The following CHRNA7 variants were observed in gnomAD, a reference collection of about 807,000 sequenced individuals.
CHRNA7 encodes cholinergic receptor nicotinic alpha 7 subunit.
A neutral mutation model predicts 48.0 loss-of-function variants in CHRNA7; 17 were observed. The ratio of observed to expected loss-of-function variants is 0.35; its 90% CI spans 0.24 to 0.53. The LOEUF is 0.53. Among genes scored for constraint, CHRNA7 ranks in the 20% least tolerant of loss-of-function variants. The pLI, the probability that CHRNA7 is intolerant of heterozygous loss-of-function variation, is 0.92. For synonymous variants in CHRNA7, 75 were observed against 242.3 expected (o/e 0.31, Z 6.41); for missense variants, 155 against 577.7 (o/e 0.27, Z 7.50).
At chr15:32,039,048 A>G (rs920706961) in intron 2 of CHRNA7, among the ~76,000 whole-genome samples, 3 of 152,188 alleles carry the variant, frequency 2.0e-5, no homozygotes, top group African/African-American at 7.2e-5. Context: ...ATTTGTGAGC[A>G]TAGAATTGTT....
At chr15:32,053,316 A>G (rs1414184978) in intron 2 of CHRNA7, among the ~76,000 whole-genome samples, 1 of 152,212 alleles carries the variant, frequency 6.6e-6, no homozygotes, top group African/African-American at 2.4e-5. Flanking sequence ...TAGTCTTGTC[A>G]TGGAGGAAGG....
intron 2 of CHRNA7, among the ~76,000 whole-genome samples, chr15:32,056,042 T>C (rs1339101360): frequency 6.6e-6 from 1 of 152,178 alleles, no homozygotes; most frequent in Non-Finnish European, 1.5e-5. Flanking sequence ...TTAGACTCTT[T>C]GGCTTATTGT....
At chr15:32,139,381 G>A (rs906179503) in intron 4 of CHRNA7, among the ~76,000 whole-genome samples, 1 of 152,228 alleles carries the variant, frequency 6.6e-6, no homozygotes, top group African/African-American at 2.4e-5. Flanking sequence ...AAATACAAGG[G>A]AAGGCAATTG....
chr15:32,140,772 G>GT (rs1020695173), intron 4 of CHRNA7, among the ~76,000 whole-genome samples: 48 of 152,146 alleles, frequency 3.2e-4, no homozygotes, highest in African/African-American at 1.1e-3. Context: ...TGATGGGGTT[G>GT]TTTTTTTCTT....
intron 4 of CHRNA7, among the ~76,000 whole-genome samples, chr15:32,126,675 T>C (rs1435231839): frequency 6.6e-6 from 1 of 152,218 alleles, no homozygotes; most frequent in Non-Finnish European, 1.5e-5. Flanking sequence ...ATCATTTTAA[T>C]AGTGACATAA....
chr15:32,109,994 G>T (rs1279696871), intron 3 of CHRNA7, among the ~76,000 whole-genome samples: 1 of 152,194 alleles, frequency 6.6e-6, no homozygotes, highest in Non-Finnish European at 1.5e-5. Flanking sequence ...CATTCAGCAG[G>T]CAGAGGAGAA....
intron 2 of CHRNA7, among the ~76,000 whole-genome samples, chr15:32,087,788 G>A (rs2050322070): frequency 6.6e-6 from 1 of 152,304 alleles, no homozygotes; most frequent in African/African-American, 2.4e-5. Flanking sequence ...AGAGTGCAAT[G>A]CTGATACACA....
intron 2 of CHRNA7, among the ~76,000 whole-genome samples, chr15:32,095,002 G>C (rs2050443997): frequency 6.6e-6 from 1 of 152,254 alleles, no homozygotes; most frequent in African/African-American, 2.4e-5. Flanking sequence ...GCTGCAGAGA[G>C]AGCAATTGAT....
At chr15:32,103,151 T>TG (rs2141263899) in intron 3 of CHRNA7, 1 of 152,310 alleles carries the variant, frequency 6.6e-6, no homozygotes, top group South Asian at 2.1e-4. Flanking sequence ...ATGTGGTTCT[T>TG]GGGCAGTTGA....
intron 4 of CHRNA7, among the ~76,000 whole-genome samples, chr15:32,148,970 T>C (rs1283278367): frequency 6.6e-6 from 1 of 152,152 alleles, no homozygotes; most frequent in African/African-American, 2.4e-5. Flanking sequence ...GTAGCTTGCG[T>C]CCTACATGTT....
intron 4 of CHRNA7, among the ~76,000 whole-genome samples, chr15:32,146,152 C>T (rs895285007): frequency 6.6e-6 from 1 of 152,168 alleles, no homozygotes; most frequent in Non-Finnish European, 1.5e-5. Context: ...TAGGAATGCA[C>T]AGTTTGTTTA....
At chr15:32,032,844 C>T (rs1358484556) in intron 2 of CHRNA7, among the ~76,000 whole-genome samples, 9 of 152,144 alleles carry the variant, frequency 5.9e-5, no homozygotes, top group Middle Eastern at 3.2e-3. Flanking sequence ...AGACCACTCG[C>T]GGAGAAGCTG....
Position 32,143,591 on chromosome 15 carries a change from C to G in CHRNA7, c.351-10316C>G, listed in dbSNP as rs372112364. ...GTCTCTAAGGACTTGCTTTATGAAT[C>G]TTGGTGCTCCTGTATTAGGTGCATA... is the stretch of plus-strand genomic sequence containing the variant. On this transcript the variant is annotated intron_variant, in intron 4 of 9. Coordinates refer to ENST00000306901, the MANE Select transcript of CHRNA7 (RefSeq NM_000746.6). Among the ~76,000 whole-genome samples, 32 of 152,286 alleles carry G rather than the reference C, an allele frequency of 2.1e-4. No individual in the cohort carries two copies. In the South Asian group the frequency reaches 6.4e-3, roughly 31 times the overall value.
chr15:32,106,435 T>G (rs775464808), intron 3 of CHRNA7, among the ~76,000 whole-genome samples: 2 of 152,216 alleles, frequency 1.3e-5, no homozygotes, highest in African/African-American at 2.4e-5. Context: ...TTTGTTATTC[T>G]TTCTCCCAGT....
intron 2 of CHRNA7, among the ~76,000 whole-genome samples, chr15:32,061,999 G>C (rs2049886897): frequency 6.6e-6 from 1 of 152,182 alleles, no homozygotes; most frequent in South Asian, 2.1e-4. Context: ...TAACATTTTG[G>C]TAATATAACT....
At chr15:32,156,088 T>C (rs2141371417) in intron 5 of CHRNA7, 1 of 107,378 alleles carries the variant, frequency 9.3e-6, no homozygotes, top group East Asian at 2.3e-4. Flanking sequence ...TTTTAGAACA[T>C]TCCCATCACC....
chr15:32,062,570 C>T (rs1194103297), intron 2 of CHRNA7, among the ~76,000 whole-genome samples: 2 of 152,098 alleles, frequency 1.3e-5, no homozygotes, highest in Non-Finnish European at 2.9e-5. Context: ...ATTTTATCCT[C>T]CTGCTTGAAT....
chr15:32,098,931 A>C, intron 2 of CHRNA7: 1 of 141,214 alleles, frequency 7.1e-6, no homozygotes, highest in African/African-American at 2.7e-5. Flanking sequence ...GGAGCTCAGG[A>C]GCAATATTAA....
intron 4 of CHRNA7, among the ~76,000 whole-genome samples, chr15:32,137,214 A>G (rs1186376913): frequency 1.3e-5 from 2 of 152,028 alleles, no homozygotes; most frequent in Non-Finnish European, 2.9e-5. Context: ...ATCTCTATGC[A>G]TTTAAATCGA....
Sources: allele counts gnomAD v4.1 joint callset (sites outside exome capture counted in the v4.1 genomes callset), GRCh38; gene constraint gnomAD v4.1.1; transcripts MANE v1.5; gene names NCBI Gene and HGNC (gene_info 2026-07-23, HGNC 2026-07-21).